The following DNM1L variants were observed in gnomAD, a reference collection of about 807,000 sequenced individuals.
DNM1L encodes the protein dynamin 1L.
DNM1L carries 33 observed loss-of-function variants against 92.8 expected under a neutral mutation model. The observed-to-expected ratio is 0.36, with a 90% CI of 0.27 to 0.48. The LOEUF (loss-of-function observed/expected upper bound fraction) is 0.48. DNM1L is among the 20% of genes least tolerant of loss of function. The pLI, the probability that DNM1L is intolerant of heterozygous loss-of-function variation, is 0.99. For missense variants in DNM1L, 485 were observed against 888.8 expected, an observed-to-expected ratio of 0.55 and a Z score of 5.78; for synonymous variants, 284 against 305.0, an observed-to-expected ratio of 0.93 and a Z score of 0.72.
chr12:32,725,086 TC>T (rs1260212492), intron 9 of DNM1L, among the ~76,000 whole-genome samples: 42 of 152,222 alleles, frequency 2.8e-4, no homozygotes, highest in Non-Finnish European at 4.4e-4. Context: ...TTCTTCTTCT[TC>T]TTCTTTTTTT....
chr12:32,723,788 CAG>C (rs1292452792), intron 9 of DNM1L, among the ~76,000 whole-genome samples: 3 of 143,092 alleles, frequency 2.1e-5, no homozygotes, highest in East Asian at 2.0e-4. Context: ...AACAAAAAAA[CAG>C]AGTGTCTAAT....
At position 32,743,778 on chromosome 12, in the gene DNM1L, C is replaced by T. The variant is rs966000799; in HGVS notation, c.*368C>T. 41 of 250,960 alleles carry T rather than the reference C, an allele frequency of 1.6e-4. No homozygotes were observed. Among genetic ancestry groups the T allele is most frequent in the Middle Eastern group, 3.0e-3 (2 of 658 alleles). 15.5% of individuals were successfully genotyped at this position (250,960 alleles called of 1,614,324 possible). A position where few individuals can be genotyped will look rare whatever the true frequency, so the allele number is the denominator to read the frequency against. ...GTAGTCTTAAAGCTGCTGCCATAGT[C>T]CTCCAAGAAGAAAGCACCAAGACAA... On this transcript the variant is annotated 3_prime_UTR_variant, in exon 20 of 20. Transcript: ENST00000549701.
intron 18 of DNM1L, among the ~76,000 whole-genome samples, chr12:32,742,025 C>G (rs1955335164): frequency 6.6e-6 from 1 of 151,584 alleles, no homozygotes; most frequent in Non-Finnish European, 1.5e-5. Flanking sequence ...TTTCTCACTT[C>G]TTGGCTATTA....
intron 1 of DNM1L, among the ~76,000 whole-genome samples, chr12:32,689,233 C>T (rs1163452425): frequency 5.9e-5 from 9 of 152,212 alleles, no homozygotes; most frequent in Non-Finnish European, 1.3e-4. Flanking sequence ...GTTTCGCTCT[C>T]GTTGCCCAGG....
chr12:32,717,132 C>A (rs1953426215), intron 6 of DNM1L, among the ~76,000 whole-genome samples: 2 of 111,446 alleles, frequency 1.8e-5, no homozygotes, highest in African/African-American at 6.9e-5. Flanking sequence ...ATATATATAC[C>A]TATGTATATA....
At chr12:32,713,725 G>A (rs758747895) in intron 6 of DNM1L, among the ~76,000 whole-genome samples, 3 of 152,038 alleles carry the variant, frequency 2.0e-5, no homozygotes, top group African/African-American at 7.2e-5. Context: ...TGTGCCTGCC[G>A]TCCCAGCTAC....
At chr12:32,704,170 A>AT (rs1952823826) in intron 2 of DNM1L, among the ~76,000 whole-genome samples, 1 of 152,142 alleles carries the variant, frequency 6.6e-6, no homozygotes. Flanking sequence ...GTCAGTAGAA[A>AT]TTTGAAAAAA....
At chr12:32,698,356 C>T (rs1262629411) in intron 1 of DNM1L, among the ~76,000 whole-genome samples, 1 of 152,174 alleles carries the variant, frequency 6.6e-6, no homozygotes, top group Non-Finnish European at 1.5e-5. Flanking sequence ...CCATCTCATA[C>T]ATTCTGTATG....
At chr12:32,691,308 G>A (rs527779357) in intron 1 of DNM1L, among the ~76,000 whole-genome samples, 15 of 152,174 alleles carry the variant, frequency 9.9e-5, no homozygotes, top group African/African-American at 2.4e-4. Context: ...GCGCGATCTC[G>A]GCTCACTGTA....
At chr12:32,679,735 A>C in intron 1 of DNM1L, 1 of 1,138,216 alleles carries the variant, frequency 8.8e-7, no homozygotes, top group Non-Finnish European at 1.1e-6. Flanking sequence ...TCCCGGGGAC[A>C]GGAGAGGGAA....
chr12:32,709,126 C>T (rs184963323), intron 4 of DNM1L, among the ~76,000 whole-genome samples: 61 of 152,234 alleles, frequency 4.0e-4, no homozygotes, highest in Non-Finnish European at 6.9e-4. Context: ...GTTACAGTGA[C>T]TGACTGAGCT....
At chr12:32,710,826 G>T in intron 4 of DNM1L, 103 bp from the exon 5 acceptor site, 1 of 1,020,612 alleles carries the variant, frequency 9.8e-7, no homozygotes, top group Non-Finnish European at 1.4e-6. Flanking sequence ...TAGGAATCAT[G>T]ATTTAATTCA....
chr12:32,684,295 A>C (rs984184993), intron 1 of DNM1L, among the ~76,000 whole-genome samples: 1 of 152,220 alleles, frequency 6.6e-6, no homozygotes, highest in Non-Finnish European at 1.5e-5. Context: ...CTAATTTGAA[A>C]AATATATTAG....
chr12:32,739,916 C>T (rs1203780874), intron 16 of DNM1L, 148 bp from the exon 17 acceptor site: 4 of 948,136 alleles, frequency 4.2e-6, no homozygotes, highest in Admixed American at 2.1e-5. Context: ...TACATGCTAC[C>T]TAGTGTCTCC....
intron 6 of DNM1L, among the ~76,000 whole-genome samples, chr12:32,717,268 AC>A (rs1953449424): frequency 2.0e-5 from 2 of 101,526 alleles, no homozygotes; most frequent in African/African-American, 4.1e-5. Context: ...GTATATATAT[AC>A]TATATATTAT....
chr12:32,680,926 ATACT>A (rs749720479), intron 1 of DNM1L, among the ~76,000 whole-genome samples: 1 of 152,250 alleles, frequency 6.6e-6, no homozygotes, highest in Admixed American at 6.5e-5. Context: ...AACTTTCCAC[ATACT>A]TTTAAAAGAG....
chr12:32,701,624 G>A (rs1401212203), intron 2 of DNM1L, 62 bp downstream of exon 2: 1 of 1,422,128 alleles, frequency 7.0e-7, no homozygotes, highest in African/African-American at 1.4e-5. Flanking sequence ...TTCTTAAAAA[G>A]ATATGAATTG....
Position 32,717,293 on chromosome 12 carries a change from ATTT to A in DNM1L, c.620-1348_620-1346del, listed in dbSNP as rs551879145. ...ACTATATATTATATATACACTATAT[ATTT>A]TATATATACTATATATTATATATAC... On this transcript the variant is annotated intron_variant, in intron 6 of 19. Coordinates refer to ENST00000549701, the MANE Select transcript of DNM1L (RefSeq NM_012062.5). Among the ~76,000 whole-genome samples the A allele has an allele frequency of 4.0e-3, 379 of 95,316 alleles. 15 individuals carry two copies. Among genetic ancestry groups the A allele is most frequent in the African/African-American group, 0.016 (350 of 22,300 alleles). The allele number at this position is 95,316 out of a possible 152,430, so 62.5% of individuals were successfully genotyped here. A position where few individuals can be genotyped will look rare whatever the true frequency, so the allele number is the denominator to read the frequency against.
intron 1 of DNM1L, among the ~76,000 whole-genome samples, chr12:32,693,991 C>T (rs1325590971): frequency 1.3e-5 from 2 of 152,018 alleles, no homozygotes; most frequent in Non-Finnish European, 2.9e-5. Flanking sequence ...TAGAAAGAAA[C>T]CTGGTATCCA....
Sources: gnomAD v4.1 joint callset for allele counts (sites outside exome capture counted in the v4.1 genomes callset) on GRCh38, gnomAD v4.1.1 for gene constraint, MANE v1.5 for transcripts, NCBI Gene and HGNC (gene_info 2026-07-23, HGNC 2026-07-21) for gene names.